RPA2: variants seen among roughly 807,000 people sequenced by gnomAD.
RPA2 encodes the protein replication protein A 32 kDa subunit.
A neutral mutation model predicts 33.4 loss-of-function variants in RPA2; 22 were observed. The observed-to-expected ratio is 0.66, with a 90% CI of 0.47 to 0.94. RPA2 has a LOEUF of 0.94. Among genes scored for constraint, RPA2 ranks in the 40% least tolerant of loss-of-function variants. The pLI is 0.00. For synonymous variants in RPA2, 109 were observed against 114.9 expected (o/e 0.95, Z 0.33); for missense variants, 279 against 329.9 (o/e 0.85, Z 1.19).
intron 6 of RPA2, among the ~76,000 whole-genome samples, chr1:27,896,085 ATTAC>A (rs2089887965): frequency 6.6e-6 from 1 of 150,834 alleles, no homozygotes; most frequent in African/African-American, 2.4e-5. Context: ...ATTTTTGTTT[ATTAC>A]TTGTTTCTCC....
chr1:27,905,304 T>C (rs1309885175), intron 4 of RPA2, among the ~76,000 whole-genome samples: 5 of 152,334 alleles, frequency 3.3e-5, no homozygotes, highest in Middle Eastern at 3.4e-3. Context: ...TTTTTATTTA[T>C]TCATTTTGAG....
intron 2 of RPA2, among the ~76,000 whole-genome samples, chr1:27,910,054 TA>T (rs1420497155): frequency 6.6e-6 from 1 of 152,182 alleles, no homozygotes; most frequent in Non-Finnish European, 1.5e-5. Context: ...CACAAACTAC[TA>T]TATTTCTGTT....
At position 27,891,843 on chromosome 1, in the gene RPA2, C is replaced by A. The variant is rs151159966; in HGVS notation, c.*320G>T. On this transcript the variant is annotated 3_prime_UTR_variant, in exon 9 of 9. Coordinates refer to ENST00000373912, the MANE Select transcript of RPA2 (RefSeq NM_002946.5). ...AGTAAACATTTTAAGAAGAGAAACT[C>A]CTGAGCACTATGTAAGTACTCTCCT... 1.9e-3 allele frequency: 472 copies of A among 251,046 alleles called. 6 individuals carry two copies. The highest frequency in any genetic ancestry group is 9.8e-3 in the African/African-American group (445 of 45,412). 15.6% of individuals were successfully genotyped at this position (251,046 alleles called of 1,614,324 possible).
chr1:27,907,019 C>G lies in RPA2; in HGVS notation c.242G>C (p.Arg81Thr). Residue 81 changes from arginine to threonine, a missense_variant, in exon 4 of 9, where the codon AGA (arginine) becomes ACA (threonine). Transcript: ENST00000373912. ...GTTGGTTGGAGCCTTCTCTGCATGT[C>G]TGATGATCCCCACAATAGTGACCTA... is the stretch of plus-strand genomic sequence containing the variant. ...ISQVTIVGII[R>T]HAEKAPTNIV... The G allele has an allele frequency of 6.2e-7, 1 of 1,612,828 alleles. No individual in the cohort carries two copies. The highest frequency in any genetic ancestry group is 8.5e-7 in the Non-Finnish European group (1 of 1,179,684).
chr1:27,895,952 C>G (rs1474910516), intron 6 of RPA2, among the ~76,000 whole-genome samples: 2 of 152,110 alleles, frequency 1.3e-5, no homozygotes, highest in Admixed American at 6.5e-5. Context: ...CTTGCACATC[C>G]TAGTCCCTCT....
intron 2 of RPA2, among the ~76,000 whole-genome samples, chr1:27,913,757 AAAAAAT>A (rs1336845741): frequency 1.3e-5 from 2 of 152,088 alleles, no homozygotes; most frequent in African/African-American, 4.8e-5. Context: ...TCTCTATTTT[AAAAAAT>A]AAAAATAAAT....
chr1:27,914,602 C>G (rs768239912), upstream of RPA2: 13 of 1,613,634 alleles, frequency 8.1e-6, no homozygotes, highest in Non-Finnish European at 1.1e-5. Flanking sequence ...TCCCGGGGTG[C>G]TCGCTTCAGC....
intron 6 of RPA2, among the ~76,000 whole-genome samples, chr1:27,895,042 T>G (rs1171750367): frequency 1.3e-5 from 2 of 152,160 alleles, no homozygotes; most frequent in African/African-American, 4.8e-5. Context: ...TCTTGAAATG[T>G]ATTCCTCCCT....
chr1:27,902,498 G>A (rs1003365771), intron 4 of RPA2, among the ~76,000 whole-genome samples: 1 of 151,932 alleles, frequency 6.6e-6, no homozygotes, highest in Non-Finnish European at 1.5e-5. Flanking sequence ...TGGCCAGGCT[G>A]GTCTCAAACT....
intron 4 of RPA2, among the ~76,000 whole-genome samples, chr1:27,899,806 T>G (rs9887847): frequency 6.6e-6 from 1 of 151,398 alleles, no homozygotes; most frequent in Non-Finnish European, 1.5e-5. Flanking sequence ...TCAGCCTCCC[T>G]AGTAGCTGGG....
At chr1:27,912,489 C>T (rs1001671478) in intron 2 of RPA2, among the ~76,000 whole-genome samples, 2 of 152,062 alleles carry the variant, frequency 1.3e-5, no homozygotes, top group African/African-American at 4.8e-5. Context: ...GAGGTCCAAG[C>T]TGCAGTGAGC....
In RPA2 at chr1:27,907,279, C is replaced by A. The variant is rs1346102564; in HGVS notation, c.121G>T (p.Ala41Ser). The change falls in exon 3 of 9, where the codon GCC (alanine) becomes TCC (serine). Residue 41 changes from alanine (A) to serine (S), a missense_variant. This residue lies in a region of RPA2 where 274 missense variants were observed against 310.3 expected (regional missense o/e 0.88). Coordinates refer to ENST00000373912, the MANE Select transcript of RPA2 (RefSeq NM_002946.5). ...APSQAEKKSR[A>S]RAQHIVPCTI... ...CAGGGCACAATGTGCTGGGCTCGGG[C>A]TCTCTGAAAAGAAAAAACATGCAAA... 5 of 1,595,658 alleles carry A rather than the reference C, an allele frequency of 3.1e-6. No individual in the cohort carries two copies. The highest frequency in any genetic ancestry group is 1.7e-4 in the Middle Eastern group (1 of 6,004).
At chr1:27,914,595 C>T, upstream of RPA2, 2 of 1,613,676 alleles carry the variant, frequency 1.2e-6, no homozygotes, top group South Asian at 2.2e-5. Flanking sequence ...AGTCAGCTCC[C>T]GGGGTGCTCG....
intron 4 of RPA2, among the ~76,000 whole-genome samples, chr1:27,899,285 G>A (rs1408425865): frequency 1.3e-5 from 2 of 151,310 alleles, no homozygotes; most frequent in Admixed American, 6.6e-5. Context: ...GAGGCGGGCG[G>A]ATCACGAGGT....
At chr1:27,903,150 A>AACTCCTGACATCAGGTG (rs1553127543) in intron 4 of RPA2, among the ~76,000 whole-genome samples, 1 of 152,088 alleles carries the variant, frequency 6.6e-6, no homozygotes, top group Non-Finnish European at 1.5e-5. Context: ...GCCGGTCTTG[A>AACTCCTGACATCAGGTG]ACTCCTGACA....
At chr1:27,899,822 AGGCGCCCGCCACCACGCCCGGCTAATTTT>A (rs1212333867) in intron 4 of RPA2, among the ~76,000 whole-genome samples, 2 of 151,996 alleles carry the variant, frequency 1.3e-5, no homozygotes. Flanking sequence ...CTGGGACTAC[AGGCGCCCGCCACCACGCCCGGCTAATTTT>A]TTGTATTTTT....
chr1:27,914,689 G>A (rs1392993587), upstream of RPA2: 1 of 1,612,126 alleles, frequency 6.2e-7, no homozygotes, highest in Non-Finnish European at 8.5e-7. Context: ...TGCGCTCCCA[G>A]TTGGCTCCAA....
At position 27,896,982 on chromosome 1, in the gene RPA2, G is replaced by C. The variant is rs757650079; in HGVS notation, c.525+23C>G. On this transcript the variant is annotated intron_variant, in intron 6 of 8. Coordinates refer to ENST00000373912, the MANE Select transcript of RPA2 (RefSeq NM_002946.5). ...TGTGTTCTTCCAGGGAAGAGAAAAA[G>C]CTAGGAAAGCGAGACTACTCACCTG... 2.6e-6 allele frequency: 4 copies of C among 1,541,450 alleles called. No individual in the cohort carries two copies. In the South Asian group the frequency reaches 4.7e-5, roughly 18 times the overall value.
At position 27,909,426 on chromosome 1, in the gene RPA2, G is replaced by A. The variant is rs28988912; in HGVS notation, c.118-2144C>T. 4.4e-3 allele frequency among the ~76,000 whole-genome samples: 671 copies of A among 152,292 alleles called. 14 individuals are homozygous for A. The highest frequency in any genetic ancestry group is 0.033 in the Admixed American group (504 of 15,280). ...TAAGATTGTGGCTCTATTCTCAAGA[G>A]CAGCTGCTTGGCCAGGCGTGGTGGG... is the stretch of plus-strand genomic sequence containing the variant. On this transcript the variant is annotated intron_variant, in intron 2 of 8. Coordinates refer to ENST00000373912, the MANE Select transcript of RPA2 (RefSeq NM_002946.5).
Sources: gnomAD v4.1 joint callset for allele counts (sites outside exome capture counted in the v4.1 genomes callset) on GRCh38, gnomAD v4.1.1 for gene constraint, gnomAD v4.1.1 regional missense constraint, MANE v1.5 for transcripts, NCBI Gene and HGNC (gene_info 2026-07-23, HGNC 2026-07-21) for gene names.